Variants in EPN1 observed in about 807,000 individuals in gnomAD.
The protein encoded by EPN1 is epsin 1.
EPN1 carries 25 observed loss-of-function variants against 56.9 expected under a neutral mutation model. The observed-to-expected ratio is 0.44, with a 90% confidence interval of 0.32 to 0.61. The LOEUF is 0.61. Ranked by LOEUF, EPN1 falls within the 20% of genes least tolerant of loss-of-function variation. The pLI is 0.05. For synonymous variants in EPN1, 411 were observed against 361.8 expected, an observed-to-expected ratio of 1.14 and a Z score of -1.54; for missense variants, 785 against 823.7, an observed-to-expected ratio of 0.95 and a Z score of 0.58.
chr19:55,692,676 C>T lies in EPN1; in HGVS notation c.1067-10C>T, dbSNP rs1333583036. On this transcript the variant is annotated splice_polypyrimidine_tract_variant and intron_variant, in intron 7 of 10. Coordinates refer to ENST00000270460, the MANE Select transcript of EPN1 (RefSeq NM_001130072.2). ...TTGCCAGCCCCTCATGCTCTTCTGT[C>T]CTCACCCAGGTGGGGTCCCGGTCAG... The T allele has an allele frequency of 7.9e-6, 12 of 1,520,588 alleles. No homozygotes were observed. The highest frequency in any genetic ancestry group is 7.4e-5 in the East Asian group (3 of 40,696). 94.2% of individuals were successfully genotyped at this position (1,520,588 alleles called of 1,614,324 possible). A position where few individuals can be genotyped will look rare whatever the true frequency, so the allele number is the denominator to read the frequency against.
At position 55,704,677 on chromosome 19, in the gene EPN1, C is replaced by G. The variant is rs1987309105; in HGVS notation, c.*9321C>G. The G allele has an allele frequency of 6.6e-6, 1 of 152,462 alleles. No homozygotes were observed. Among genetic ancestry groups the G allele is most frequent in the Admixed American group, 6.5e-5 (1 of 15,286 alleles). The allele number at this position is 152,462 out of a possible 1,614,324, so 9.4% of individuals were successfully genotyped here. On this transcript the variant is annotated 3_prime_UTR_variant, in exon 11 of 11. Transcript: ENST00000270460. The stretch of plus-strand genomic sequence containing the variant: ...ACACACCCCACAGCACCCTTGCTGT[C>G]TCACCCCGTATCGCAAAAGCTCACG...
rs1181955184 is a variant in EPN1, at chr19:55,694,484, C to A, written c.1265-242C>A. 1.1e-5 allele frequency: 5 copies of A among 439,460 alleles called. No homozygotes were observed. The highest frequency in any genetic ancestry group is 2.0e-5 in the Non-Finnish European group (5 of 253,702). The allele number at this position is 439,460 out of a possible 1,614,324, so 27.2% of individuals were successfully genotyped here. On this transcript the variant is annotated intron_variant, in intron 9 of 10. Coordinates refer to ENST00000270460, the MANE Select transcript of EPN1 (RefSeq NM_001130072.2). This position sits in a 1 kb window ranked among gnomAD's most constrained non-coding sequence, Gnocchi z 4.2. Reference sequence around the variant, plus strand: ...GCCCTCTGGTTGTCAGAGGGTGACACCTGCTTCTGTCATCCCTCTTGTGTT... The same window carrying A: ...GCCCTCTGGTTGTCAGAGGGTGACAACTGCTTCTGTCATCCCTCTTGTGTT...
In EPN1 at chr19:55,709,159, G is replaced by T; in HGVS notation, c.*13803G>T. The T allele has an allele frequency of 1.5e-6, 1 of 682,426 alleles. No homozygotes were observed. Among genetic ancestry groups the T allele is most frequent in the Non-Finnish European group, 2.3e-6 (1 of 444,172 alleles). 42.3% of individuals were successfully genotyped at this position (682,426 alleles called of 1,614,324 possible). On this transcript the variant is annotated 3_prime_UTR_variant, in exon 11 of 11. Transcript: ENST00000270460. ...TCTTTATTCTTTCCTAGAAATCACT[G>T]GGAGAATTGTACTGAATTTGAAAAA...
At position 55,692,621 on chromosome 19, in the gene EPN1, G is replaced by A. The variant is rs894249583; in HGVS notation, c.1067-65G>A. The A allele has an allele frequency of 2.2e-5, 25 of 1,112,154 alleles. No homozygotes were observed. The African/African-American group carries it at 3.5e-4, about 15-fold the overall frequency. 68.9% of individuals were successfully genotyped at this position (1,112,154 alleles called of 1,614,324 possible). A position where few individuals can be genotyped will look rare whatever the true frequency, so the allele number is the denominator to read the frequency against. On this transcript the variant is annotated intron_variant, in intron 7 of 10. Transcript: ENST00000270460. ...GAACAGCCACAGATTTGGAGGCAAT[G>A]GTCCTCCCTAGCCATCTGGGCAGTC...
rs1986889536 is a variant in EPN1, at chr19:55,695,926, G to C, written c.*570G>C. The C allele has an allele frequency of 6.5e-6, 1 of 154,790 alleles. No homozygotes were observed. Among genetic ancestry groups the C allele is most frequent in the Non-Finnish European group, 1.4e-5 (1 of 69,866 alleles). 9.6% of individuals were successfully genotyped at this position (154,790 alleles called of 1,614,324 possible). A position where few individuals can be genotyped will look rare whatever the true frequency, so the allele number is the denominator to read the frequency against. ...GACCCTCCCAGGTCAAGGGATGGCT[G>C]GGTTGAGGGTGGACTGTGCGAGGCC... On this transcript the variant is annotated 3_prime_UTR_variant, in exon 11 of 11. Coordinates refer to ENST00000270460, the MANE Select transcript of EPN1 (RefSeq NM_001130072.2). This position sits in a 1 kb window ranked among gnomAD's most constrained non-coding sequence, Gnocchi z 4.4.
rs772070980 is a variant in EPN1 at position 55,678,828 on chromosome 19, T to C, written c.201T>C (p.His67=). ...TGATCTGGAAGCGGCTCAATGACCA[T>C]GGCAAGAACTGGCGTCACGTTTACA... ...MSMIWKRLND[H]GKNWRHVYKA... is the part of the protein sequence containing the mutation. The change falls in exon 2 of 11, where the codon CAT becomes CAC. Residue 67 remains histidine, a synonymous_variant. Coordinates refer to ENST00000270460, the MANE Select transcript of EPN1 (RefSeq NM_001130072.2). 11 of 1,612,712 alleles carry C rather than the reference T, an allele frequency of 6.8e-6. No homozygotes were observed. The Admixed American group carries it at 1.7e-4, about 24-fold the overall frequency.
Position 55,704,033 on chromosome 19 carries a change from C to T in EPN1, c.*8677C>T, listed in dbSNP as rs1172737932. Reference sequence around the variant, plus strand: ...TATTCAGTCCCTCGGAAACCCAGTTCCTCCGTTTCCAGGCTTCTCGCCCAC... The same window carrying T: ...TATTCAGTCCCTCGGAAACCCAGTTTCTCCGTTTCCAGGCTTCTCGCCCAC... On this transcript the variant is annotated 3_prime_UTR_variant, in exon 11 of 11. Coordinates refer to ENST00000270460, the MANE Select transcript of EPN1 (RefSeq NM_001130072.2). 1.3e-5 allele frequency: 2 copies of T among 152,334 alleles called. No individual in the cohort carries two copies. The highest frequency in any genetic ancestry group is 2.1e-4 in the South Asian group (1 of 4,836). The allele number at this position is 152,334 out of a possible 1,614,324, so 9.4% of individuals were successfully genotyped here.
In EPN1 at chr19:55,689,766, T is replaced by A; in HGVS notation, c.679-101T>A. ...CATCCCATCGAATCCTTCAGCCGCT[T>A]TCGTTGGGGTGGGAGGGGTTGCTGG... On this transcript the variant is annotated intron_variant, in intron 5 of 10. Coordinates refer to ENST00000270460, the MANE Select transcript of EPN1 (RefSeq NM_001130072.2). This position sits in a 1 kb window ranked among gnomAD's most constrained non-coding sequence, Gnocchi z 5.7. 9.2e-7 allele frequency: 1 copy of A among 1,085,696 alleles called. No individual in the cohort carries two copies. The highest frequency in any genetic ancestry group is 1.4e-6 in the Non-Finnish European group (1 of 728,938). The allele number at this position is 1,085,696 out of a possible 1,614,324, so 67.3% of individuals were successfully genotyped here.
rs1367550404 is a variant in EPN1 at position 55,707,269 on chromosome 19, G to A, written c.*11913G>A. 1.3e-5 allele frequency: 2 copies of A among 151,990 alleles called. No homozygotes were observed. Among genetic ancestry groups the A allele is most frequent in the Non-Finnish European group, 2.9e-5 (2 of 68,086 alleles). The allele number at this position is 151,990 out of a possible 1,614,324, so 9.4% of individuals were successfully genotyped here. ...AGGCAGGAGCATCACTTGAACCCAGGAGTTCAAGGCTGCAGTGAGCTATGA... is the reference window on the plus strand; with the variant it reads ...AGGCAGGAGCATCACTTGAACCCAGAAGTTCAAGGCTGCAGTGAGCTATGA... On this transcript the variant is annotated 3_prime_UTR_variant, in exon 11 of 11. Transcript: ENST00000270460.
intron 3 of EPN1, among the ~76,000 whole-genome samples, chr19:55,687,672 T>TA (rs751673368): frequency 9.9e-5 from 15 of 152,108 alleles, no homozygotes; most frequent in Non-Finnish European, 1.9e-4. Context: ...ACGCTGCCCT[T>TA]CCATCTGCCC....
chr19:55,685,076 A>G (rs1986074879), intron 2 of EPN1, among the ~76,000 whole-genome samples: 1 of 152,144 alleles, frequency 6.6e-6, no homozygotes, highest in Non-Finnish European at 1.5e-5. Flanking sequence ...CTGGCAACCC[A>G]CAATCCACTC....
chr19:55,680,501 T>C (rs1418998660), intron 2 of EPN1, among the ~76,000 whole-genome samples: 1 of 152,194 alleles, frequency 6.6e-6, no homozygotes, highest in African/African-American at 2.4e-5. Context: ...TGGTTCCTCA[T>C]GCTGGGGTGG....
chr19:55,692,129 G>A, intron 7 of EPN1, 72 bp downstream of exon 7: 4 of 1,350,184 alleles, frequency 3.0e-6, no homozygotes, highest in Non-Finnish European at 3.8e-6. Flanking sequence ...TGTGCCCTTG[G>A]ACAGGGACAG....
At chr19:55,680,764 C>T (rs535614559) in intron 2 of EPN1, 1 of 152,546 alleles carries the variant, frequency 6.6e-6, no homozygotes, top group African/African-American at 2.4e-5. Flanking sequence ...CAGTCCCCTT[C>T]TGGAAGTACG....
At chr19:55,682,744 T>G (rs1453389941) in intron 2 of EPN1, among the ~76,000 whole-genome samples, 1 of 151,834 alleles carries the variant, frequency 6.6e-6, no homozygotes, top group Non-Finnish European at 1.5e-5. Flanking sequence ...TATATATTTA[T>G]TTAATTATTG....
rs1279587249 is a variant in EPN1 at position 55,694,016 on chromosome 19, G to C, written c.1265-710G>C. 6.6e-6 allele frequency: 1 copy of C among 152,074 alleles called. No homozygotes were observed. The highest frequency in any genetic ancestry group is 2.4e-5 in the African/African-American group (1 of 41,400). The allele number at this position is 152,074 out of a possible 1,614,324, so 9.4% of individuals were successfully genotyped here. A position where few individuals can be genotyped will look rare whatever the true frequency, so the allele number is the denominator to read the frequency against. On this transcript the variant is annotated intron_variant, in intron 9 of 10. Transcript: ENST00000270460. The surrounding 1 kb of genome is among the most constrained non-coding windows in gnomAD (Gnocchi z 4.2). ...GGATCACCTGAGGTCGGGAGTTCAA[G>C]ACCAGCCTGACCACCATGGCCAAAA...
intron 2 of EPN1, among the ~76,000 whole-genome samples, chr19:55,682,634 T>C (rs901971749): frequency 1.3e-5 from 2 of 152,166 alleles, no homozygotes; most frequent in Admixed American, 6.5e-5. Context: ...GGTTTTGCCA[T>C]GTCACCCACG....
chr19:55,704,455 C>A lies in EPN1; in HGVS notation c.*9099C>A, dbSNP rs1213841010. 6.6e-6 allele frequency: 1 copy of A among 152,154 alleles called. No homozygotes were observed. The highest frequency in any genetic ancestry group is 1.5e-5 in the Non-Finnish European group (1 of 68,050). 9.4% of individuals were successfully genotyped at this position (152,154 alleles called of 1,614,324 possible). A position where few individuals can be genotyped will look rare whatever the true frequency, so the allele number is the denominator to read the frequency against. On this transcript the variant is annotated 3_prime_UTR_variant, in exon 11 of 11. Coordinates refer to ENST00000270460, the MANE Select transcript of EPN1 (RefSeq NM_001130072.2). ...GGGTTGCACCTTCATGTGAGGACGC[C>A]GGGAGAAGACAGCCGTCTGGGAGCC...
At position 55,689,258 on chromosome 19, in the gene EPN1, G is replaced by A; in HGVS notation, c.604-39G>A. ...GGCTCTGCCTCTGACTCTGCCTCTGGCCCCTCCCGTCATGCCCCTCACACT... is the reference window on the plus strand; with the variant it reads ...GGCTCTGCCTCTGACTCTGCCTCTGACCCCTCCCGTCATGCCCCTCACACT... On this transcript the variant is annotated intron_variant, in intron 4 of 10. Transcript: ENST00000270460. This position sits in a 1 kb window ranked among gnomAD's most constrained non-coding sequence, Gnocchi z 5.7. 7.0e-7 allele frequency: 1 copy of A among 1,432,014 alleles called. No individual in the cohort carries two copies. The highest frequency in any genetic ancestry group is 9.6e-7 in the Non-Finnish European group (1 of 1,038,760). The allele number at this position is 1,432,014 out of a possible 1,614,324, so 88.7% of individuals were successfully genotyped here.
Sources: allele counts gnomAD v4.1 joint callset (sites outside exome capture counted in the v4.1 genomes callset), GRCh38; gene constraint gnomAD v4.1.1; non-coding constraint Gnocchi (gnomAD v3.1); transcripts MANE v1.5; gene names NCBI Gene and HGNC (gene_info 2026-07-23, HGNC 2026-07-21).